Variants in NKAIN1 observed in about 807,000 individuals in gnomAD.
NKAIN1 encodes sodium/potassium-transporting ATPase subunit beta-1-interacting protein 1.
A neutral mutation model predicts 31.6 loss-of-function variants in NKAIN1; 13 were observed. The ratio of observed to expected loss-of-function variants is 0.41; its 90% CI spans 0.27 to 0.65. NKAIN1 has a LOEUF of 0.65. Ranked by LOEUF, NKAIN1 falls within the 30% of genes least tolerant of loss-of-function variation. The probability of loss-of-function intolerance (pLI) is 0.30; values close to 1 mark genes in which losing one functional copy is unlikely to be tolerated. For missense variants in NKAIN1, 193 were observed against 262.2 expected (o/e 0.74, Z 1.82); for synonymous variants, 104 against 109.0 (o/e 0.95, Z 0.28).
At position 31,182,561 on chromosome 1, in the gene NKAIN1, C is replaced by T; in HGVS notation, c.501G>A (p.Val167=). 1.9e-6 allele frequency: 3 copies of T among 1,614,140 alleles called. No homozygotes were observed. The highest frequency in any genetic ancestry group is 1.1e-5 in the South Asian group (1 of 91,078). Residue 167 remains valine, a synonymous_variant, in exon 5 of 7, where the codon GTG becomes GTA. Coordinates refer to ENST00000373736, the MANE Select transcript of NKAIN1 (RefSeq NM_024522.3). ...ALFGFVFACY[V]SKVFLEEEDS... ...CCTCCTCCTCCAGGAACACTTTGCTCACGTAGCAGGCGAACACGAAGCCGA... is the reference window on the plus strand; with the variant it reads ...CCTCCTCCTCCAGGAACACTTTGCTTACGTAGCAGGCGAACACGAAGCCGA...
intron 1 of NKAIN1, among the ~76,000 whole-genome samples, chr1:31,226,508 C>G (rs946874741): frequency 2.0e-5 from 3 of 149,150 alleles, no homozygotes; most frequent in Non-Finnish European, 4.4e-5. Context: ...ATGGTATGTG[C>G]TTGTTGAAGA....
At position 31,195,856 on chromosome 1, in the gene NKAIN1, C is replaced by T. The variant is rs116900945; in HGVS notation, c.55-7669G>A. On this transcript the variant is annotated intron_variant, in intron 1 of 6. Coordinates refer to ENST00000373736, the MANE Select transcript of NKAIN1 (RefSeq NM_024522.3). ...GGGAGGATTGCTTGAGCCCAGCAGG[C>T]TGAGGCTACAGTGAGCTGTGATAGC... Among the ~76,000 whole-genome samples the T allele has an allele frequency of 4.4e-3, 609 of 138,142 alleles. 37 individuals carry two copies. In the East Asian group the frequency reaches 0.11, roughly 24 times the overall value. 90.6% of individuals were successfully genotyped at this position (138,142 alleles called of 152,430 possible).
chr1:31,213,127 A>AT (rs1645483736), intron 1 of NKAIN1, among the ~76,000 whole-genome samples: 1 of 61,790 alleles, frequency 1.6e-5, no homozygotes, highest in Non-Finnish European at 4.3e-5. Context: ...TGTTGAGGAT[A>AT]CAAAAAAAAA....
At chr1:31,196,929 A>G (rs1645331842) in intron 1 of NKAIN1, among the ~76,000 whole-genome samples, 1 of 152,058 alleles carries the variant, frequency 6.6e-6, no homozygotes, top group Admixed American at 6.6e-5. Flanking sequence ...AACTCTTGGC[A>G]CGGCACTAAC....
intron 1 of NKAIN1, among the ~76,000 whole-genome samples, chr1:31,193,357 C>T (rs1031763455): frequency 5.9e-5 from 9 of 151,860 alleles, no homozygotes; most frequent in South Asian, 4.2e-4. Flanking sequence ...CGTGAGCCAC[C>T]GCGCCCGGCA....
intron 1 of NKAIN1, among the ~76,000 whole-genome samples, chr1:31,223,131 C>T (rs1645576581): frequency 6.6e-6 from 1 of 152,086 alleles, no homozygotes; most frequent in South Asian, 2.1e-4. Flanking sequence ...AATCCCAGCA[C>T]TTTGGGAGGC....
chr1:31,218,071 T>TCTTTCTGTCTTTCTTTC (rs201070152), intron 1 of NKAIN1, among the ~76,000 whole-genome samples: 1 of 133,616 alleles, frequency 7.5e-6, no homozygotes, highest in African/African-American at 2.8e-5. Flanking sequence ...TTTCTTTCTT[T>TCTTTCTGTCTTTCTTTC]TTTTTTTTTG....
chr1:31,202,345 G>A (rs1293879473), intron 1 of NKAIN1, among the ~76,000 whole-genome samples: 5 of 152,164 alleles, frequency 3.3e-5, no homozygotes, highest in Non-Finnish European at 5.9e-5. Flanking sequence ...TGGGCCAAAC[G>A]GCCCAGGGTG....
chr1:31,187,250 G>A (rs1004390284), intron 2 of NKAIN1, among the ~76,000 whole-genome samples: 2 of 152,310 alleles, frequency 1.3e-5, no homozygotes, highest in African/African-American at 4.8e-5. Flanking sequence ...AGTAAATCTA[G>A]TGAAAAGCCT....
chr1:31,182,253 C>T (rs1340997587), intron 5 of NKAIN1, among the ~76,000 whole-genome samples: 9 of 150,966 alleles, frequency 6.0e-5, no homozygotes, highest in African/African-American at 2.2e-4. Flanking sequence ...CTCTCAGGGG[C>T]GGGGCTAGAG....
chr1:31,181,645 G>A lies in NKAIN1; in HGVS notation c.*58C>T. On this transcript the variant is annotated 3_prime_UTR_variant, in exon 7 of 7. Coordinates refer to ENST00000373736, the MANE Select transcript of NKAIN1 (RefSeq NM_024522.3). ...GGGACACGCCTGCGCCTTGGCCCGA[G>A]CTCGCGGCAGCTGCGGTCAGCCCAG... 1 of 1,423,922 alleles carries A rather than the reference G, an allele frequency of 7.0e-7. No individual in the cohort carries two copies. Among genetic ancestry groups the A allele is most frequent in the Non-Finnish European group, 9.2e-7 (1 of 1,081,610 alleles). The allele number at this position is 1,423,922 out of a possible 1,614,324, so 88.2% of individuals were successfully genotyped here. A position where few individuals can be genotyped will look rare whatever the true frequency, so the allele number is the denominator to read the frequency against.
chr1:31,209,035 T>G (rs2148358429), intron 1 of NKAIN1, among the ~76,000 whole-genome samples: 1 of 152,298 alleles, frequency 6.6e-6, no homozygotes, highest in South Asian at 2.1e-4. Context: ...ATGCCCTCCG[T>G]GGCTTTAACA....
intron 1 of NKAIN1, among the ~76,000 whole-genome samples, chr1:31,210,429 C>T (rs1057073285): frequency 4.7e-5 from 3 of 63,492 alleles, no homozygotes; most frequent in Non-Finnish European, 1.3e-4. Context: ...GCTGGGATTA[C>T]AGGCACCCAC....
chr1:31,197,181 G>A (rs1338562310), intron 1 of NKAIN1, among the ~76,000 whole-genome samples: 1 of 147,214 alleles, frequency 6.8e-6, no homozygotes, highest in African/African-American at 2.5e-5. Flanking sequence ...GCACAATCTC[G>A]GCTCACTGCA....
intron 1 of NKAIN1, among the ~76,000 whole-genome samples, chr1:31,200,038 C>CACACACAT: frequency 6.6e-6 from 1 of 151,780 alleles, no homozygotes; most frequent in African/African-American, 2.4e-5. Context: ...CACACACACA[C>CACACACAT]ATGCACACGT....
At chr1:31,232,396 C>CACATATATATATATATATATAT (rs1334094237) in intron 1 of NKAIN1, among the ~76,000 whole-genome samples, 1 of 6,374 alleles carries the variant, frequency 1.6e-4, no homozygotes, top group African/African-American at 2.5e-4. Flanking sequence ...TGGCCTACTT[C>CACATATATATATATATATATAT]ATATATATAT....
Position 31,233,839 on chromosome 1 carries a change from G to A in NKAIN1, c.54+5655C>T, listed in dbSNP as rs918015046. Reference sequence around the variant, plus strand: ...CTGCCATGGGCTCGTTCGTGGGGTAGAAGCTGTTTTTCTGACTACTTTGTA... The same window carrying A: ...CTGCCATGGGCTCGTTCGTGGGGTAAAAGCTGTTTTTCTGACTACTTTGTA... On this transcript the variant is annotated intron_variant, in intron 1 of 6. Coordinates refer to ENST00000373736, the MANE Select transcript of NKAIN1 (RefSeq NM_024522.3). The surrounding 1 kb of genome is among the most constrained non-coding windows in gnomAD (Gnocchi z 4.0). Among the ~76,000 whole-genome samples the A allele has an allele frequency of 3.3e-5, 5 of 152,200 alleles. No homozygotes were observed. The highest frequency in any genetic ancestry group is 1.2e-4 in the African/African-American group (5 of 41,468).
rs79439095 is a variant in NKAIN1 at position 31,192,070 on chromosome 1, T to C, written c.55-3883A>G. 4.2e-3 allele frequency among the ~76,000 whole-genome samples: 641 copies of C among 152,230 alleles called. 38 individuals carry two copies. The East Asian group carries it at 0.099, about 24-fold the overall frequency. On this transcript the variant is annotated intron_variant, in intron 1 of 6. Coordinates refer to ENST00000373736, the MANE Select transcript of NKAIN1 (RefSeq NM_024522.3). ...GGATTACAGACATAAGCCACTGCGC[T>C]GGGCCTCCCTTTGGCTTTATCCAAG...
intron 1 of NKAIN1, among the ~76,000 whole-genome samples, chr1:31,234,285 G>C (rs757582317): frequency 3.5e-4 from 54 of 152,176 alleles, no homozygotes; most frequent in Non-Finnish European, 6.8e-4. Context: ...AGACCCTCCC[G>C]AGGAAGCCGT....
Sources: allele counts gnomAD v4.1 joint callset (sites outside exome capture counted in the v4.1 genomes callset), GRCh38; gene constraint gnomAD v4.1.1; non-coding constraint Gnocchi (gnomAD v3.1); transcripts MANE v1.5; gene names NCBI Gene and HGNC (gene_info 2026-07-23, HGNC 2026-07-21).